Variants in EPS8 observed in about 807,000 individuals in gnomAD.
EPS8 encodes the protein epidermal growth factor receptor kinase substrate 8.
EPS8 carries 42 observed loss-of-function variants against 103.8 expected under a neutral mutation model. The observed-to-expected ratio is 0.40, with a 90% CI of 0.32 to 0.52. EPS8 has a LOEUF of 0.52. Ranked by LOEUF, EPS8 falls within the 20% of genes least tolerant of loss-of-function variation. The pLI, the probability that EPS8 is intolerant of heterozygous loss-of-function variation, is 0.40. For missense variants in EPS8, 969 were observed against 1,005.1 expected, an observed-to-expected ratio of 0.96 and a Z score of 0.49; for synonymous variants, 344 against 344.6, an observed-to-expected ratio of 1.00 and a Z score of 0.02.
chr12:15,659,027 T>C (rs895963992), intron 10 of EPS8, among the ~76,000 whole-genome samples: 2 of 152,102 alleles, frequency 1.3e-5, no homozygotes, highest in African/African-American at 4.8e-5. Flanking sequence ...AAGATGGGAT[T>C]TGAAAAAGTT....
intron 1 of EPS8, among the ~76,000 whole-genome samples, chr12:15,691,238 A>G (rs1227532318): frequency 2.0e-5 from 3 of 150,830 alleles, no homozygotes; most frequent in Non-Finnish European, 4.4e-5. Context: ...GAATGACTAG[A>G]CCAAAAAAGG....
At position 15,645,059 on chromosome 12, in the gene EPS8, T is replaced by C. The variant is rs559456242; in HGVS notation, c.1568+2068A>G. On this transcript the variant is annotated intron_variant, in intron 15 of 20. Transcript: ENST00000281172. The stretch of plus-strand genomic sequence containing the variant: ...AAATTCTGACCACTCTAGACTATTA[T>C]CCCTTCATGGAATTTCTATTTTTAT... Among the ~76,000 whole-genome samples, 6 of 152,228 alleles carry C rather than the reference T, an allele frequency of 3.9e-5. No homozygotes were observed. The East Asian group carries it at 9.6e-4, about 24-fold the overall frequency.
In EPS8 at chr12:15,747,235, G is replaced by A. The variant is rs1184254470; in HGVS notation, c.-22+41926C>T. Among the ~76,000 whole-genome samples the A allele has an allele frequency of 6.6e-6, 1 of 152,040 alleles. No individual in the cohort carries two copies. The highest frequency in any genetic ancestry group is 2.4e-5 in the African/African-American group (1 of 41,368). On this transcript the variant is annotated intron_variant, in intron 1 of 20. Transcript: ENST00000281172. The surrounding 1 kb of genome is among the most constrained non-coding windows in gnomAD (Gnocchi z 4.4). Reference sequence around the variant, plus strand: ...TAAAACTTAACCTGTATAAACTGTGGCTCTAATGTAAAGACTCAATAGTTA... The same window carrying A: ...TAAAACTTAACCTGTATAAACTGTGACTCTAATGTAAAGACTCAATAGTTA...
Position 15,728,312 on chromosome 12 carries a change from G to C in EPS8, c.-21-45340C>G, listed in dbSNP as rs1282082395. On this transcript the variant is annotated intron_variant, in intron 1 of 20. Coordinates refer to ENST00000281172, the MANE Select transcript of EPS8 (RefSeq NM_004447.6). This position sits in a 1 kb window ranked among gnomAD's most constrained non-coding sequence, Gnocchi z 4.5. Reference sequence around the variant, plus strand: ...TTCATAGATTCCATTTTCAAACCAGGGGGGGTGCCTTGTGGGTGTATGTGT... The same window carrying C: ...TTCATAGATTCCATTTTCAAACCAGCGGGGGTGCCTTGTGGGTGTATGTGT... 1.3e-5 allele frequency: 2 copies of C among 152,158 alleles called. No individual in the cohort carries two copies. Among genetic ancestry groups the C allele is most frequent in the East Asian group, 1.9e-4 (1 of 5,196 alleles). 9.4% of individuals were successfully genotyped at this position (152,158 alleles called of 1,614,324 possible). A position where few individuals can be genotyped will look rare whatever the true frequency, so the allele number is the denominator to read the frequency against.
rs999800216 is a variant in EPS8, at chr12:15,760,630, C to T, written c.-22+28531G>A. The stretch of plus-strand genomic sequence containing the variant: ...CCAGGTGGGATAAATCCCACCAATA[C>T]AAGAATGGTTCAACATAAACAAATC... On this transcript the variant is annotated intron_variant, in intron 1 of 20. Transcript: ENST00000281172. The surrounding 1 kb of genome is among the most constrained non-coding windows in gnomAD (Gnocchi z 4.5). Among the ~76,000 whole-genome samples the T allele has an allele frequency of 2.0e-5, 3 of 152,050 alleles. No individual in the cohort carries two copies. The highest frequency in any genetic ancestry group is 7.2e-5 in the African/African-American group (3 of 41,428).
chr12:15,646,478 A>T (rs1278726791), intron 15 of EPS8, among the ~76,000 whole-genome samples: 1 of 152,174 alleles, frequency 6.6e-6, no homozygotes, highest in East Asian at 1.9e-4. Context: ...GGCTCTATGT[A>T]GATCTCATTT....
chr12:15,704,298 A>C lies in EPS8; in HGVS notation c.-21-21326T>G. Among the ~76,000 whole-genome samples the C allele has an allele frequency of 6.6e-6, 1 of 152,194 alleles. No homozygotes were observed. The stretch of plus-strand genomic sequence containing the variant: ...ACCCATGCTCATATCAACATTATTC[A>C]CGAGAGCCAAAAGGTAGATGCAACC... On this transcript the variant is annotated intron_variant, in intron 1 of 20. Coordinates refer to ENST00000281172, the MANE Select transcript of EPS8 (RefSeq NM_004447.6). The surrounding 1 kb of genome is among the most constrained non-coding windows in gnomAD (Gnocchi z 4.6).
At chr12:15,685,449 T>C (rs1946079482) in intron 1 of EPS8, among the ~76,000 whole-genome samples, 3 of 152,180 alleles carry the variant, frequency 2.0e-5, no homozygotes, top group African/African-American at 7.2e-5. Context: ...TTGATCTGGT[T>C]TGCGTTTTAA....
rs1405204960 is a variant in EPS8, at chr12:15,761,575, A to G, written c.-22+27586T>C. Among the ~76,000 whole-genome samples, 1 of 152,172 alleles carries G rather than the reference A, an allele frequency of 6.6e-6. No individual in the cohort carries two copies. Among genetic ancestry groups the G allele is most frequent in the Non-Finnish European group, 1.5e-5 (1 of 68,022 alleles). On this transcript the variant is annotated intron_variant, in intron 1 of 20. Transcript: ENST00000281172. The surrounding 1 kb of genome is among the most constrained non-coding windows in gnomAD (Gnocchi z 4.5). ...GTAACCAAAAAGGCATGGAACTGGA[A>G]TAAAAACAGACACATAGACCAATAG... is the stretch of plus-strand genomic sequence containing the variant.
chr12:15,642,466 T>A (rs986543707), intron 15 of EPS8, among the ~76,000 whole-genome samples: 2 of 152,164 alleles, frequency 1.3e-5, no homozygotes, highest in Admixed American at 6.5e-5. Flanking sequence ...CTCATTTTTT[T>A]AAAATAAAAC....
chr12:15,632,351 C>T (rs1945061992), intron 17 of EPS8, among the ~76,000 whole-genome samples: 1 of 152,050 alleles, frequency 6.6e-6, no homozygotes. Flanking sequence ...TGACAAAATG[C>T]TTTTTAATAA....
In EPS8 at chr12:15,760,356, G is replaced by A. The variant is rs192085411; in HGVS notation, c.-22+28805C>T. On this transcript the variant is annotated intron_variant, in intron 1 of 20. Transcript: ENST00000281172. The surrounding 1 kb of genome is among the most constrained non-coding windows in gnomAD (Gnocchi z 4.5). ...AAGCCCAAGACCCAATGGCTTCACT[G>A]CTAAATTCTACAAAACATTTAAAGA... 8.7e-4 allele frequency among the ~76,000 whole-genome samples: 133 copies of A among 152,162 alleles called. 1 individual carries two copies. Among genetic ancestry groups the A allele is most frequent in the Admixed American group, 4.7e-3 (72 of 15,286 alleles).
intron 12 of EPS8, among the ~76,000 whole-genome samples, chr12:15,655,362 T>G (rs1945489207): frequency 6.6e-6 from 1 of 152,222 alleles, no homozygotes; most frequent in Admixed American, 6.5e-5. Context: ...CCTACACTAT[T>G]ACACTGTAAT....
intron 3 of EPS8, among the ~76,000 whole-genome samples, 179 bp from the exon 4 acceptor site, chr12:15,671,102 A>G (rs1945808769): frequency 6.6e-6 from 1 of 152,148 alleles, no homozygotes; most frequent in South Asian, 2.1e-4. Flanking sequence ...TAAAAACCAC[A>G]AGAAAGTCTA....
intron 17 of EPS8, among the ~76,000 whole-genome samples, chr12:15,632,675 T>C (rs1945068048): frequency 6.6e-6 from 1 of 152,210 alleles, no homozygotes; most frequent in African/African-American, 2.4e-5. Flanking sequence ...GTATTTACTT[T>C]TAAATTCTAA....
At chr12:15,638,913 A>G (rs1439512106) in intron 17 of EPS8, among the ~76,000 whole-genome samples, 1 of 152,224 alleles carries the variant, frequency 6.6e-6, no homozygotes, top group African/African-American at 2.4e-5. Flanking sequence ...GAAAAAGACA[A>G]GACTGAACAG....
At chr12:15,636,612 A>T (rs1945139378) in intron 17 of EPS8, among the ~76,000 whole-genome samples, 1 of 152,186 alleles carries the variant, frequency 6.6e-6, no homozygotes. Context: ...TGTGCCCTTC[A>T]CCCAGAAACT....
At chr12:15,645,421 TCTTAA>T (rs5796642) in intron 15 of EPS8, among the ~76,000 whole-genome samples, 138,289 of 151,726 alleles carry the variant, frequency 0.91, 63,760 homozygotes, top group Non-Finnish European at 0.98. Flanking sequence ...TCATCTTCCC[TCTTAA>T]CTTCTTAATT....
In EPS8 at chr12:15,780,895, G is replaced by A. The variant is rs1241548599; in HGVS notation, c.-22+8266C>T. On this transcript the variant is annotated intron_variant, in intron 1 of 20. Transcript: ENST00000281172. The surrounding 1 kb of genome is among the most constrained non-coding windows in gnomAD (Gnocchi z 4.1). ...AACTCATGCCCTTTTAAGTATTTAT[G>A]TAAAAATATGATAATAAGTGCTAAT... Among the ~76,000 whole-genome samples the A allele has an allele frequency of 6.6e-6, 1 of 152,184 alleles. No homozygotes were observed. Among genetic ancestry groups the A allele is most frequent in the African/African-American group, 2.4e-5 (1 of 41,458 alleles).
Sources: allele counts gnomAD v4.1 joint callset (sites outside exome capture counted in the v4.1 genomes callset), GRCh38; gene constraint gnomAD v4.1.1; non-coding constraint Gnocchi (gnomAD v3.1); transcripts MANE v1.5; gene names NCBI Gene and HGNC (gene_info 2026-07-23, HGNC 2026-07-21).